PCDHGB1: variants seen among roughly 807,000 people sequenced by gnomAD.
PCDHGB1 encodes the protein protocadherin gamma-B1.
A neutral mutation model predicts 56.6 loss-of-function variants in PCDHGB1; 34 were observed. The ratio of observed to expected loss-of-function variants is 0.60; its 90% CI spans 0.46 to 0.80. PCDHGB1 has a LOEUF of 0.80. Ranked by LOEUF, PCDHGB1 falls within the 30% of genes least tolerant of loss-of-function variation. The probability of loss-of-function intolerance (pLI) is 0.00; values close to 1 mark genes in which losing one functional copy is unlikely to be tolerated. For synonymous variants in PCDHGB1, 561 were observed against 505.9 expected (o/e 1.11, Z -1.46); for missense variants, 1,278 against 1,204.6 (o/e 1.06, Z -0.90).
intron 1 of PCDHGB1, chr5:141,389,608 T>C (rs1458951980): frequency 1.9e-6 from 3 of 1,613,138 alleles, no homozygotes; most frequent in East Asian, 2.2e-5. Context: ...CTCTTCGATA[T>C]GGTGCCGCAC....
chr5:141,426,439 G>A, intron 1 of PCDHGB1: 1 of 302,400 alleles, frequency 3.3e-6, no homozygotes, highest in Non-Finnish European at 6.5e-6. Flanking sequence ...GAACCTTGCG[G>A]AGGACATGCG....
At position 141,389,178 on chromosome 5, in the gene PCDHGB1, T is replaced by G. The variant is rs1280956707; in HGVS notation, c.2409+36509T>G. 2 of 1,613,974 alleles carry G rather than the reference T, an allele frequency of 1.2e-6. No individual in the cohort carries two copies. The highest frequency in any genetic ancestry group is 1.7e-6 in the Non-Finnish European group (2 of 1,179,890). ...AGATCGGGGCAAGCCTCCCCTCTCC[T>G]CCAGTTCCAGCATCACCCTGCACAT... On this transcript the variant is annotated intron_variant, in intron 1 of 3. Coordinates refer to ENST00000523390, the MANE Select transcript of PCDHGB1 (RefSeq NM_018922.3).
rs752112707 is a variant in PCDHGB1, at chr5:141,376,279, A to G, written c.2409+23610A>G. 22 of 1,614,054 alleles carry G rather than the reference A, an allele frequency of 1.4e-5. No homozygotes were observed. The Admixed American group carries it at 1.8e-4, about 13-fold the overall frequency. ...TGCTGCAGGCTTCGGGAGGTGGCTT[A>G]GCGAGCATGCCCGGCTCGCACTTTG... is the stretch of plus-strand genomic sequence containing the variant. On this transcript the variant is annotated intron_variant, in intron 1 of 3. Coordinates refer to ENST00000523390, the MANE Select transcript of PCDHGB1 (RefSeq NM_018922.3).
At chr5:141,399,627 C>G (rs751717107) in intron 1 of PCDHGB1, 12 of 1,613,906 alleles carry the variant, frequency 7.4e-6, no homozygotes, top group South Asian at 1.1e-5. Context: ...TGGCCTCTTA[C>G]GTGTCCATGA....
intron 1 of PCDHGB1, chr5:141,361,938 C>T (rs778338184): frequency 1.2e-6 from 2 of 1,605,814 alleles, no homozygotes; most frequent in East Asian, 4.5e-5. Context: ...CAGGACACAA[C>T]GCTTGGCTGT....
intron 1 of PCDHGB1, chr5:141,355,278 C>T (rs1759782758): frequency 6.2e-7 from 1 of 1,613,742 alleles, no homozygotes; most frequent in Non-Finnish European, 8.5e-7. Context: ...TGGTGGAAAT[C>T]AGGGCCGAAC....
intron 1 of PCDHGB1, among the ~76,000 whole-genome samples, chr5:141,467,727 T>C (rs1562013145): frequency 6.6e-6 from 1 of 152,046 alleles, no homozygotes; most frequent in African/African-American, 2.4e-5. Flanking sequence ...AGTGGCACAA[T>C]CCCAGCTCGC....
Position 141,350,307 on chromosome 5 carries a change from T to C in PCDHGB1, c.47T>C (p.Phe16Ser). 3 of 1,522,122 alleles carry C rather than the reference T, an allele frequency of 2.0e-6. No individual in the cohort carries two copies. The highest frequency in any genetic ancestry group is 2.6e-6 in the Non-Finnish European group (3 of 1,137,078). The allele number at this position is 1,522,122 out of a possible 1,614,324, so 94.3% of individuals were successfully genotyped here. Reference protein sequence around the residue: ...EAEMMKSQVLFPFLLSLFCGA... With the variant: ...EAEMMKSQVLSPFLLSLFCGA... ...GAAATGATGAAAAGTCAGGTACTGT[T>C]TCCCTTCCTGCTGTCTTTGTTCTGC... The change falls in exon 1 of 4, where the codon TTT becomes TCT. Residue 16 changes from phenylalanine to serine, a missense_variant. Coordinates refer to ENST00000523390, the MANE Select transcript of PCDHGB1 (RefSeq NM_018922.3).
At position 141,364,431 on chromosome 5, in the gene PCDHGB1, C is replaced by T; in HGVS notation, c.2409+11762C>T. On this transcript the variant is annotated intron_variant, in intron 1 of 3. Coordinates refer to ENST00000523390, the MANE Select transcript of PCDHGB1 (RefSeq NM_018922.3). ...CCAGGATCCGGGCAGATCCGCTACT[C>T]GATGCCGGAGGAGCTGGACAAAGGC... 2.5e-6 allele frequency: 4 copies of T among 1,613,754 alleles called. No individual in the cohort carries two copies. The South Asian group carries it at 3.3e-5, about 13-fold the overall frequency.
intron 1 of PCDHGB1, among the ~76,000 whole-genome samples, chr5:141,492,435 C>T (rs191116850): frequency 8.5e-5 from 13 of 152,348 alleles, no homozygotes; most frequent in Admixed American, 8.5e-4. Context: ...CTCAGGAGTA[C>T]TCGTAGCTGA....
At chr5:141,353,394 T>A (rs918284618) in intron 1 of PCDHGB1, among the ~76,000 whole-genome samples, 2 of 152,252 alleles carry the variant, frequency 1.3e-5, no homozygotes, top group Non-Finnish European at 2.9e-5. Context: ...AATTATGTAA[T>A]TAATGTAATC....
chr5:141,433,802 A>G (rs2097651656), intron 1 of PCDHGB1, among the ~76,000 whole-genome samples: 1 of 149,280 alleles, frequency 6.7e-6, no homozygotes, highest in Non-Finnish European at 1.5e-5. Flanking sequence ...GTGCCATTGC[A>G]CTCCAGCCTG....
At chr5:141,365,469 G>A in intron 1 of PCDHGB1, 2 of 1,614,010 alleles carry the variant, frequency 1.2e-6, no homozygotes, top group Non-Finnish European at 1.7e-6. Flanking sequence ...GGAGAAAATG[G>A]TGAGATTGCA....
At chr5:141,399,837 C>T in intron 1 of PCDHGB1, 4 of 1,613,130 alleles carry the variant, frequency 2.5e-6, no homozygotes, top group Non-Finnish European at 3.4e-6. Context: ...GCTCTGCGCT[C>T]TTCGATATGG....
At position 141,393,231 on chromosome 5, in the gene PCDHGB1, G is replaced by A. The variant is rs1309107381; in HGVS notation, c.2409+40562G>A. On this transcript the variant is annotated intron_variant, in intron 1 of 3. Transcript: ENST00000523390. Reference sequence around the variant, plus strand: ...AAAATTCCAGGTCGAAGATCTAGAAGTAAAAATTAACGAAATCGCGGTTCC... The same window carrying A: ...AAAATTCCAGGTCGAAGATCTAGAAATAAAAATTAACGAAATCGCGGTTCC... 2.5e-6 allele frequency: 4 copies of A among 1,613,738 alleles called. 1 individual carries two copies. In the South Asian group the frequency reaches 4.4e-5, roughly 18 times the overall value.
chr5:141,393,799 G>C lies in PCDHGB1; in HGVS notation c.2409+41130G>C, dbSNP rs2092846945. ...GCCGAAGATGTGGGGGCACTTCTGG[G>C]GAGGACCAAATTGCTCATTTCGGTG... On this transcript the variant is annotated intron_variant, in intron 1 of 3. Transcript: ENST00000523390. 2.5e-6 allele frequency: 4 copies of C among 1,613,802 alleles called. No homozygotes were observed. The highest frequency in any genetic ancestry group is 2.5e-6 in the Non-Finnish European group (3 of 1,179,888).
Position 141,365,562 on chromosome 5 carries a change from A to C in PCDHGB1, c.2409+12893A>C, listed in dbSNP as rs200032836. On this transcript the variant is annotated intron_variant, in intron 1 of 3. Transcript: ENST00000523390. ...CACCTATTAACAACTAGGGACCTGG[A>C]CAGAGAAGAGACTTCAGATTATAAT... The C allele has an allele frequency of 6.2e-4, 1,002 of 1,613,762 alleles. 1 individual carries two copies. Among genetic ancestry groups the C allele is most frequent in the Non-Finnish European group, 7.3e-4 (867 of 1,179,898 alleles).
At position 141,460,491 on chromosome 5, in the gene PCDHGB1, A is replaced by G. The variant is rs544539917; in HGVS notation, c.2410-34316A>G. Among the ~76,000 whole-genome samples, 240 of 152,272 alleles carry G rather than the reference A, an allele frequency of 1.6e-3. 1 individual carries two copies. Among genetic ancestry groups the G allele is most frequent in the Non-Finnish European group, 2.6e-3 (177 of 68,014 alleles). On this transcript the variant is annotated intron_variant, in intron 1 of 3. Transcript: ENST00000523390. ...AAGGAATATCCAATTGTCTCTTTGG[A>G]AAAATATGCTGAGAAGGCTATCTTT...
At position 141,352,027 on chromosome 5, in the gene PCDHGB1, G is replaced by T. The variant is rs764316289; in HGVS notation, c.1767G>T (p.Ala589=). 2 of 1,609,130 alleles carry T rather than the reference G, an allele frequency of 1.2e-6. No individual in the cohort carries two copies. The highest frequency in any genetic ancestry group is 8.5e-7 in the Non-Finnish European group (1 of 1,179,084). ...GCTACCTGGTGACCAAGGTGGTGGC[G>T]GTGGACGCAGACTCAGGACACAACG... The part of the protein sequence containing the change: ...EPGYLVTKVV[A]VDADSGHNAW... The change falls in exon 1 of 4, where the codon GCG becomes GCT. Residue 589 remains alanine, a synonymous_variant. Transcript: ENST00000523390.
Sources: allele counts gnomAD v4.1 joint callset (sites outside exome capture counted in the v4.1 genomes callset), GRCh38; gene constraint gnomAD v4.1.1; transcripts MANE v1.5; gene names NCBI Gene and HGNC (gene_info 2026-07-23, HGNC 2026-07-21).